The following USP7 variants were observed in gnomAD, a reference collection of about 807,000 sequenced individuals.
USP7 encodes the protein ubiquitin specific peptidase 7.
USP7 carries 9 observed loss-of-function variants against 162.9 expected under a neutral mutation model. The ratio of observed to expected loss-of-function variants is 0.06; its 90% CI spans 0.03 to 0.10. USP7 has a LOEUF of 0.10. Ranked by LOEUF, USP7 falls within the 10% of genes least tolerant of loss-of-function variation. USP7 has a pLI of 1.00. For missense variants in USP7, 715 were observed against 1,373.7 expected (o/e 0.52, Z 7.58); for synonymous variants, 562 against 475.9 (o/e 1.18, Z -2.35).
intron 1 of USP7, 69 bp downstream of exon 1, chr16:8,963,138 T>C: frequency 7.7e-7 from 1 of 1,299,248 alleles, no homozygotes; most frequent in Non-Finnish European, 9.9e-7. Flanking sequence ...CTCGCGTGGC[T>C]CCCGCGGCTC....
At chr16:8,941,448 G>C (rs4985014) in intron 1 of USP7, among the ~76,000 whole-genome samples, 5,654 of 152,278 alleles carry the variant, frequency 0.037, 138 homozygotes, top group Non-Finnish European at 0.056. Flanking sequence ...AAGGACCTGA[G>C]GGGTAAAGGC....
chr16:8,940,552 G>T (rs1159353427), intron 1 of USP7, among the ~76,000 whole-genome samples: 1 of 152,202 alleles, frequency 6.6e-6, no homozygotes, highest in African/African-American at 2.4e-5. Flanking sequence ...TTACAGCAAT[G>T]GCCCCTGCAT....
intron 5 of USP7, 91 bp from the exon 6 acceptor site, chr16:8,919,230 A>T: frequency 2.3e-6 from 3 of 1,295,962 alleles, no homozygotes; most frequent in Non-Finnish European, 3.3e-6. Flanking sequence ...GGTCAGCCTT[A>T]AGGAAACCGA....
Position 8,952,540 on chromosome 16 carries a change from C to G in USP7, c.79+10667G>C, listed in dbSNP as rs139476709. 2.0e-3 allele frequency among the ~76,000 whole-genome samples: 298 copies of G among 152,302 alleles called. 2 individuals are homozygous for G. Among genetic ancestry groups the G allele is most frequent in the African/African-American group, 7.0e-3 (289 of 41,562 alleles). On this transcript the variant is annotated intron_variant, in intron 1 of 30. Coordinates refer to ENST00000344836, the MANE Select transcript of USP7 (RefSeq NM_003470.3). ...TAGAGCCACCCCATTCCTGGGCTCC[C>G]CCTTGCACCTGTCTTCTCAGGTCCC... is the stretch of plus-strand genomic sequence containing the variant.
intron 1 of USP7, among the ~76,000 whole-genome samples, chr16:8,961,211 G>T (rs1443292166): frequency 6.6e-6 from 1 of 152,022 alleles, no homozygotes; most frequent in East Asian, 1.9e-4. Flanking sequence ...AGCAAACACC[G>T]GCCAGGCGCG....
At chr16:8,921,517 T>TC (rs1417045699) in intron 3 of USP7, among the ~76,000 whole-genome samples, 11 of 152,372 alleles carry the variant, frequency 7.2e-5, no homozygotes, top group Non-Finnish European at 1.5e-4. Context: ...ACTCATGGTT[T>TC]CATTTTTTAA....
intron 1 of USP7, among the ~76,000 whole-genome samples, chr16:8,934,789 T>A (rs1282888457): frequency 1.3e-5 from 2 of 152,108 alleles, no homozygotes; most frequent in Non-Finnish European, 2.9e-5. Flanking sequence ...ACCGAGTACA[T>A]AAGGGGTGGG....
At chr16:8,895,240 G>C in intron 27 of USP7, 90 bp from the exon 28 acceptor site, 1 of 1,589,698 alleles carries the variant, frequency 6.3e-7, no homozygotes, top group East Asian at 2.2e-5. Flanking sequence ...CTCTAACCCG[G>C]AGGGTAAAGC....
At chr16:8,913,148 G>C (rs1202957938) in intron 10 of USP7, among the ~76,000 whole-genome samples, 1 of 152,174 alleles carries the variant, frequency 6.6e-6, no homozygotes, top group Non-Finnish European at 1.5e-5. Flanking sequence ...CTGAGGTCAG[G>C]AACTCGAGAC....
rs1428232465 is a variant in USP7, at chr16:8,916,482, AAGTATTG to A, written c.906+13_906+19del. On this transcript the variant is annotated intron_variant, in intron 8 of 30. Coordinates refer to ENST00000344836, the MANE Select transcript of USP7 (RefSeq NM_003470.3). Reference sequence around the variant, plus strand: ...AAAATATTCATTGTAAGAAATATACAAGTATTGCTTGAAACTTACCACTCGACAAAGC... The same window carrying A: ...AAAATATTCATTGTAAGAAATATACACTTGAAACTTACCACTCGACAAAGC... The A allele has an allele frequency of 6.2e-7, 1 of 1,604,220 alleles. No homozygotes were observed. Among genetic ancestry groups the A allele is most frequent in the Non-Finnish European group, 8.5e-7 (1 of 1,176,678 alleles).
chr16:8,921,377 C>G, intron 3 of USP7, 82 bp from the exon 4 acceptor site: 1 of 1,478,250 alleles, frequency 6.8e-7, no homozygotes, highest in East Asian at 2.3e-5. Flanking sequence ...ACATAGCACA[C>G]CAAAATTCCC....
chr16:8,929,482 A>G, intron 2 of USP7: 1 of 456,092 alleles, frequency 2.2e-6, no homozygotes, highest in South Asian at 1.5e-5. Context: ...AGGTCTGAAC[A>G]GCAGTCCTTC....
At chr16:8,902,225 A>T (rs757295570) in intron 17 of USP7, 38 bp from the exon 18 acceptor site, 1 of 1,604,866 alleles carries the variant, frequency 6.2e-7, no homozygotes. Context: ...GAAGAGTCTA[A>T]TGGCTTAGGT....
In USP7 at chr16:8,895,623, C is replaced by T. The variant is rs1414340123; in HGVS notation, c.2919+19G>A. The T allele has an allele frequency of 6.3e-7, 1 of 1,590,912 alleles. No homozygotes were observed. Among genetic ancestry groups the T allele is most frequent in the Admixed American group, 1.7e-5 (1 of 58,776 alleles). The stretch of plus-strand genomic sequence containing the variant: ...GCTCATGAATTCTCTCTGGTGCCAA[C>T]AGTATCGGGGACAGATACCTCTATT... On this transcript the variant is annotated intron_variant, in intron 27 of 30. Coordinates refer to ENST00000344836, the MANE Select transcript of USP7 (RefSeq NM_003470.3).
At chr16:8,900,008 C>T (rs550346711) in intron 21 of USP7, 1 of 558,076 alleles carries the variant, frequency 1.8e-6, no homozygotes. Context: ...AACAAAACCC[C>T]CTTAGGTAAC....
At chr16:8,939,910 T>C (rs1039178508) in intron 1 of USP7, among the ~76,000 whole-genome samples, 9 of 152,160 alleles carry the variant, frequency 5.9e-5, no homozygotes, top group African/African-American at 1.7e-4. Flanking sequence ...CCATCCTGGC[T>C]AACACGGTGA....
chr16:8,897,218 T>G (rs527766847), intron 25 of USP7, 119 bp from the exon 26 acceptor site: 2 of 764,812 alleles, frequency 2.6e-6, no homozygotes, highest in East Asian at 5.0e-5. Context: ...GGCCCCCATG[T>G]TCTTGCTCTC....
Position 8,901,193 on chromosome 16 carries a change from G to A in USP7, c.2089C>T (p.Arg697Trp). ...LFLKMYDPKT[R>W]SLNYCGHIYT... ...ATATGCCCACAGTAATTCAAGCTCC[G>A]CGTTTTGGGATCATACATCTTCAAA... The change falls in exon 19 of 31, where the codon CGG becomes TGG. Residue 697 changes from arginine to tryptophan, a missense_variant. Around this residue, in one of 11 missense-constraint regions of USP7, gnomAD observed 197 missense variants for 306.5 expected, o/e 0.64. Coordinates refer to ENST00000344836, the MANE Select transcript of USP7 (RefSeq NM_003470.3). 2 of 1,612,754 alleles carry A rather than the reference G, an allele frequency of 1.2e-6. No homozygotes were observed. Among genetic ancestry groups the A allele is most frequent in the Non-Finnish European group, 1.7e-6 (2 of 1,179,514 alleles).
chr16:8,922,452 C>T (rs149232403), intron 3 of USP7, among the ~76,000 whole-genome samples: 15 of 152,354 alleles, frequency 9.8e-5, no homozygotes, highest in Admixed American at 2.6e-4. Context: ...CAGGCCACTG[C>T]ACTCCAGCCT....
Sources: allele counts gnomAD v4.1 joint callset (sites outside exome capture counted in the v4.1 genomes callset), GRCh38; gene constraint gnomAD v4.1.1; regional missense constraint gnomAD v4.1.1; transcripts MANE v1.5; gene names NCBI Gene and HGNC (gene_info 2026-07-23, HGNC 2026-07-21).